Variants in NUDCD3 observed in about 807,000 individuals in gnomAD.
NUDCD3 encodes the protein nudC domain-containing protein 3.
NUDCD3 carries 13 observed loss-of-function variants against 39.7 expected under a neutral mutation model. That is an observed-to-expected ratio of 0.33 (90% CI 0.21 to 0.52). The LOEUF (loss-of-function observed/expected upper bound fraction) is 0.52. NUDCD3 is among the 20% of genes least tolerant of loss of function. The probability of loss-of-function intolerance (pLI) is 0.96; values close to 1 mark genes in which losing one functional copy is unlikely to be tolerated. For synonymous variants in NUDCD3, 175 were observed against 172.4 expected (o/e 1.02, Z -0.12); for missense variants, 453 against 458.1 (o/e 0.99, Z 0.10).
intron 2 of NUDCD3, among the ~76,000 whole-genome samples, chr7:44,460,132 C>T (rs1799978583): frequency 6.6e-6 from 1 of 151,970 alleles, no homozygotes; most frequent in East Asian, 1.9e-4. Flanking sequence ...GGTAAAATCC[C>T]CACACTAAAT....
intron 2 of NUDCD3, among the ~76,000 whole-genome samples, chr7:44,458,797 C>T (rs1799949320): frequency 6.6e-6 from 1 of 152,156 alleles, no homozygotes; most frequent in South Asian, 2.1e-4. Context: ...TAAAACCGTA[C>T]ATGTGTCTGG....
At position 44,451,823 on chromosome 7, in the gene NUDCD3, G is replaced by T. The variant is rs147215847; in HGVS notation, c.510-24120C>A. Among the ~76,000 whole-genome samples, 25 of 152,284 alleles carry T rather than the reference G, an allele frequency of 1.6e-4. No individual in the cohort carries two copies. The East Asian group carries it at 4.2e-3, about 26-fold the overall frequency. ...AGTTGAAAAGAAGGTGGGCAAAGAG[G>T]AAGGATAAAAAGAGGAAAGGAAGCC... On this transcript the variant is annotated intron_variant, in intron 2 of 5. Coordinates refer to ENST00000355451, the MANE Select transcript of NUDCD3 (RefSeq NM_015332.4).
chr7:44,422,845 A>G (rs753070812), intron 3 of NUDCD3, among the ~76,000 whole-genome samples: 11 of 152,230 alleles, frequency 7.2e-5, no homozygotes, highest in Non-Finnish European at 1.5e-4. Context: ...CAACAAAAAA[A>G]GAAAATTTCA....
chr7:44,449,852 TAAA>T lies in NUDCD3; in HGVS notation c.510-22152_510-22150del, dbSNP rs58410314. Among the ~76,000 whole-genome samples the T allele has an allele frequency of 6.3e-3, 633 of 100,870 alleles. 3 individuals are homozygous for T. The highest frequency in any genetic ancestry group is 0.022 in the African/African-American group (604 of 27,174). The allele number at this position is 100,870 out of a possible 152,430, so 66.2% of individuals were successfully genotyped here. On this transcript the variant is annotated intron_variant, in intron 2 of 5. Coordinates refer to ENST00000355451, the MANE Select transcript of NUDCD3 (RefSeq NM_015332.4). ...GATATGACACCAAAAACATGATCCA[TAAA>T]AAAAAAAAAAAAAACTGATACACTG...
At chr7:44,433,816 C>T (rs1288542822) in intron 2 of NUDCD3, among the ~76,000 whole-genome samples, 1 of 152,132 alleles carries the variant, frequency 6.6e-6, no homozygotes, top group Non-Finnish European at 1.5e-5. Flanking sequence ...TCATATGGCT[C>T]CCCACGGCCC....
At chr7:44,421,287 T>C (rs370019319) in intron 3 of NUDCD3, among the ~76,000 whole-genome samples, 4 of 149,750 alleles carry the variant, frequency 2.7e-5, no homozygotes, top group African/African-American at 7.4e-5. Context: ...TGAGCCAAGA[T>C]TGCGCCACTG....
chr7:44,381,207 C>T lies in NUDCD3; in HGVS notation c.*4804G>A, dbSNP rs980964128. The T allele has an allele frequency of 2.0e-4, 30 of 152,332 alleles. No individual in the cohort carries two copies. Among genetic ancestry groups the T allele is most frequent in the African/African-American group, 6.8e-4 (28 of 41,474 alleles). The allele number at this position is 152,332 out of a possible 1,614,324, so 9.4% of individuals were successfully genotyped here. On this transcript the variant is annotated 3_prime_UTR_variant, in exon 6 of 6. Coordinates refer to ENST00000355451, the MANE Select transcript of NUDCD3 (RefSeq NM_015332.4). ...CAAGGTTGGCTGAGATGGCCTGAGA[C>T]AGGGTCCCTTGATGAACAGTCCACT...
At chr7:44,442,411 G>A (rs867210315) in intron 2 of NUDCD3, among the ~76,000 whole-genome samples, 55 of 152,300 alleles carry the variant, frequency 3.6e-4, no homozygotes, top group African/African-American at 1.2e-3. Context: ...GGGCTGTTTG[G>A]GGGCACCAGC....
Position 44,459,203 on chromosome 7 carries a change from CTT to C in NUDCD3, c.509+25763_509+25764del, listed in dbSNP as rs760120118. 5.6e-3 allele frequency among the ~76,000 whole-genome samples: 781 copies of C among 139,588 alleles called. 6 individuals carry two copies. Among genetic ancestry groups the C allele is most frequent in the African/African-American group, 0.019 (727 of 38,516 alleles). The allele number at this position is 139,588 out of a possible 152,430, so 91.6% of individuals were successfully genotyped here. ...GTAGATGGATTTTTCTTAATTTTTT[CTT>C]TTTTTTTTTTTTGAGACAGGGCCTC... On this transcript the variant is annotated intron_variant, in intron 2 of 5. Coordinates refer to ENST00000355451, the MANE Select transcript of NUDCD3 (RefSeq NM_015332.4).
intron 5 of NUDCD3, 84 bp downstream of exon 5, chr7:44,392,213 A>G: frequency 7.3e-7 from 1 of 1,375,230 alleles, no homozygotes; most frequent in Non-Finnish European, 1.0e-6. Context: ...CCCCACCGTC[A>G]TCACCAACCC....
chr7:44,455,884 G>T (rs1417217089), intron 2 of NUDCD3, among the ~76,000 whole-genome samples: 1 of 150,576 alleles, frequency 6.6e-6, no homozygotes, highest in Admixed American at 6.6e-5. Context: ...AAATTAGCCG[G>T]GCGTAGTGGC....
chr7:44,482,850 A>C (rs1202191553), intron 2 of NUDCD3, among the ~76,000 whole-genome samples: 1 of 152,234 alleles, frequency 6.6e-6, no homozygotes, highest in Non-Finnish European at 1.5e-5. Context: ...TATTGTAAGT[A>C]TATTGAAGGA....
chr7:44,396,948 TTTTTG>T (rs1798636476), intron 4 of NUDCD3, among the ~76,000 whole-genome samples: 2 of 151,020 alleles, frequency 1.3e-5, no homozygotes, highest in Admixed American at 1.3e-4. Context: ...TTTACATTTG[TTTTTG>T]TTTTTTTCTG....
In NUDCD3 at chr7:44,385,234, G is replaced by A. The variant is rs764013745; in HGVS notation, c.*777C>T. ...TTGACACCGTGCACCCAAAGAGGAC[G>A]TCTTATGGGGAGCCAAGCACAGCAT... On this transcript the variant is annotated 3_prime_UTR_variant, in exon 6 of 6. Transcript: ENST00000355451. The A allele has an allele frequency of 2.0e-5, 3 of 152,268 alleles. No homozygotes were observed. The highest frequency in any genetic ancestry group is 7.2e-5 in the African/African-American group (3 of 41,432). 9.4% of individuals were successfully genotyped at this position (152,268 alleles called of 1,614,324 possible). A position where few individuals can be genotyped will look rare whatever the true frequency, so the allele number is the denominator to read the frequency against.
rs372384118 is a variant in NUDCD3 at position 44,476,954 on chromosome 7, C to CTGA, written c.509+8011_509+8013dup. Among the ~76,000 whole-genome samples, 857 of 152,214 alleles carry CTGA rather than the reference C, an allele frequency of 5.6e-3. 5 individuals are homozygous for CTGA. Among genetic ancestry groups the CTGA allele is most frequent in the African/African-American group, 0.02 (815 of 41,530 alleles). ...GGAGACCAAGTCAGGAGGGAGCAGC[C>CTGA]TGATGATGATGATGAAGTATCTGCC... is the stretch of plus-strand genomic sequence containing the variant. On this transcript the variant is annotated intron_variant, in intron 2 of 5. Transcript: ENST00000355451.
At chr7:44,424,485 G>A (rs1378619883) in intron 3 of NUDCD3, among the ~76,000 whole-genome samples, 1 of 152,150 alleles carries the variant, frequency 6.6e-6, no homozygotes, top group Non-Finnish European at 1.5e-5. Context: ...CAAAGGATAT[G>A]AAGAGACACT....
chr7:44,414,891 A>C (rs1408459072), intron 3 of NUDCD3, among the ~76,000 whole-genome samples: 1 of 152,218 alleles, frequency 6.6e-6, no homozygotes, highest in Non-Finnish European at 1.5e-5. Context: ...AGTTAGAGCC[A>C]TAAATGACAC....
chr7:44,465,694 G>C (rs1220586670), intron 2 of NUDCD3, among the ~76,000 whole-genome samples: 1 of 152,194 alleles, frequency 6.6e-6, no homozygotes, highest in African/African-American at 2.4e-5. Flanking sequence ...ACTTAGGGTA[G>C]AGTGGATAAA....
chr7:44,397,453 G>A (rs1354131429), intron 4 of NUDCD3, among the ~76,000 whole-genome samples: 1 of 152,146 alleles, frequency 6.6e-6, no homozygotes, highest in Admixed American at 6.5e-5. Context: ...AAGAGCACCA[G>A]GTGCCCCATC....
Sources: gnomAD v4.1 joint callset for allele counts (sites outside exome capture counted in the v4.1 genomes callset) on GRCh38, gnomAD v4.1.1 for gene constraint, MANE v1.5 for transcripts, NCBI Gene and HGNC (gene_info 2026-07-23, HGNC 2026-07-21) for gene names.